FGFR1OP2: variants seen among roughly 807,000 people sequenced by gnomAD.
FGFR1OP2 encodes fibroblast growth factor receptor 1 oncogene partner 2.
FGFR1OP2 carries 17 observed loss-of-function variants against 35.2 expected under a neutral mutation model. The ratio of observed to expected loss-of-function variants is 0.48; its 90% CI spans 0.33 to 0.73. The LOEUF (loss-of-function observed/expected upper bound fraction) is 0.73. Ranked by LOEUF, FGFR1OP2 falls within the 30% of genes least tolerant of loss-of-function variation. The probability of loss-of-function intolerance (pLI) is 0.02; values close to 1 mark genes in which losing one functional copy is unlikely to be tolerated. For missense variants in FGFR1OP2, 251 were observed against 307.3 expected, an observed-to-expected ratio of 0.82 and a Z score of 1.37; for synonymous variants, 105 against 104.6, an observed-to-expected ratio of 1.00 and a Z score of -0.03.
At chr12:26,948,606 G>A (rs1164890218) in intron 1 of FGFR1OP2, among the ~76,000 whole-genome samples, 1 of 152,160 alleles carries the variant, frequency 6.6e-6, no homozygotes, top group African/African-American at 2.4e-5. Context: ...TGACTACAAC[G>A]TGTCTGGAGT....
chr12:26,953,182 T>A (rs1199012379), intron 1 of FGFR1OP2, among the ~76,000 whole-genome samples: 2 of 144,586 alleles, frequency 1.4e-5, no homozygotes, highest in African/African-American at 5.2e-5. Context: ...GAAAATGGCG[T>A]GAACCTGGGA....
rs539050765 is a variant in FGFR1OP2 at position 26,939,522 on chromosome 12, G to T, written c.-15+812G>T. ...GGCTATTTCCCCAAACATGCCATGCGCTTTGACAGCTCTGTACTTTTGTAC... is the reference window on the plus strand; with the variant it reads ...GGCTATTTCCCCAAACATGCCATGCTCTTTGACAGCTCTGTACTTTTGTAC... On this transcript the variant is annotated intron_variant, in intron 1 of 6. Coordinates refer to ENST00000229395, the MANE Select transcript of FGFR1OP2 (RefSeq NM_015633.3). Among the ~76,000 whole-genome samples the T allele has an allele frequency of 2.0e-5, 3 of 152,210 alleles. No homozygotes were observed. The South Asian group carries it at 6.2e-4, about 32-fold the overall frequency.
At position 26,954,407 on chromosome 12, in the gene FGFR1OP2, G is replaced by C. The variant is rs1260282510; in HGVS notation, c.135+114G>C. 4 of 1,260,448 alleles carry C rather than the reference G, an allele frequency of 3.2e-6. No homozygotes were observed. In the African/African-American group the frequency reaches 6.1e-5, roughly 19 times the overall value. 78.1% of individuals were successfully genotyped at this position (1,260,448 alleles called of 1,614,324 possible). A position where few individuals can be genotyped will look rare whatever the true frequency, so the allele number is the denominator to read the frequency against. ...CAACATTCTCTAAAATTTTAAAGTA[G>C]CTTGACTTGTGTGTTTCAGGTTTAC... On this transcript the variant is annotated intron_variant, in intron 2 of 6. Transcript: ENST00000229395.
At chr12:26,946,604 G>A (rs577524770) in intron 1 of FGFR1OP2, among the ~76,000 whole-genome samples, 3 of 152,274 alleles carry the variant, frequency 2.0e-5, no homozygotes, top group South Asian at 2.1e-4. Context: ...GGGCCACTGC[G>A]CCTGACCTTG....
intron 4 of FGFR1OP2, 43 bp from the exon 5 acceptor site, chr12:26,960,472 C>T (rs773655325): frequency 2.2e-6 from 3 of 1,387,544 alleles, no homozygotes; most frequent in South Asian, 2.7e-5. Context: ...TTTTAAATTA[C>T]GGATGATATC....
intron 1 of FGFR1OP2, among the ~76,000 whole-genome samples, chr12:26,951,612 G>A (rs754336419): frequency 5.3e-5 from 8 of 152,094 alleles, no homozygotes; most frequent in South Asian, 2.1e-4. Context: ...GAGCCACTGC[G>A]CCCAGCCCAA....
intron 1 of FGFR1OP2, among the ~76,000 whole-genome samples, chr12:26,943,984 G>A (rs967563821): frequency 1.3e-5 from 2 of 151,946 alleles, no homozygotes; most frequent in Non-Finnish European, 2.9e-5. Flanking sequence ...TTGTGCCCAG[G>A]AATCTCAGGG....
chr12:26,944,079 TC>T (rs1938782556), intron 1 of FGFR1OP2, among the ~76,000 whole-genome samples: 1 of 152,194 alleles, frequency 6.6e-6, no homozygotes, highest in Admixed American at 6.5e-5. Context: ...AGTTTTGGTT[TC>T]CATTTGTTTG....
chr12:26,960,721 A>G, intron 5 of FGFR1OP2, 93 bp downstream of exon 5: 1 of 1,456,258 alleles, frequency 6.9e-7, no homozygotes, highest in African/African-American at 1.4e-5. Flanking sequence ...CCCAGATTAG[A>G]TCAGCAAATA....
chr12:26,958,377 T>A (rs1045407180), intron 4 of FGFR1OP2, among the ~76,000 whole-genome samples: 1 of 152,152 alleles, frequency 6.6e-6, no homozygotes, highest in African/African-American at 2.4e-5. Context: ...AACAGAAATT[T>A]TTTTAAGAAA....
intron 1 of FGFR1OP2, among the ~76,000 whole-genome samples, chr12:26,951,764 A>C (rs1938932566): frequency 6.6e-6 from 1 of 152,208 alleles, no homozygotes; most frequent in South Asian, 2.1e-4. Flanking sequence ...CTATCTGATC[A>C]TATATAGGAC....
At chr12:26,957,488 T>C (rs1418682108) in intron 3 of FGFR1OP2, 113 bp from the exon 4 acceptor site, 1 of 863,364 alleles carries the variant, frequency 1.2e-6, no homozygotes, top group Non-Finnish European at 1.8e-6. Flanking sequence ...GCTAGATTTT[T>C]GTGCATTGTG....
chr12:26,945,666 GC>G (rs1363367444), intron 1 of FGFR1OP2, among the ~76,000 whole-genome samples: 6 of 152,144 alleles, frequency 3.9e-5, no homozygotes, highest in Admixed American at 2.0e-4. Context: ...TTCAGGACCA[GC>G]CTGGCCAACG....
intron 6 of FGFR1OP2, among the ~76,000 whole-genome samples, chr12:26,964,265 C>T (rs777867413): frequency 2.0e-5 from 3 of 152,050 alleles, no homozygotes; most frequent in South Asian, 2.1e-4. Context: ...ACTGGCTTTA[C>T]GAGTTTATAT....
intron 4 of FGFR1OP2, among the ~76,000 whole-genome samples, chr12:26,958,375 T>A (rs1939054953): frequency 6.6e-6 from 1 of 152,264 alleles, no homozygotes; most frequent in Admixed American, 6.5e-5. Context: ...AAAACAGAAA[T>A]TTTTTTAAGA....
At position 26,939,460 on chromosome 12, in the gene FGFR1OP2, A is replaced by G. The variant is rs1383357515; in HGVS notation, c.-15+750A>G. Among the ~76,000 whole-genome samples, 3 of 152,138 alleles carry G rather than the reference A, an allele frequency of 2.0e-5. No homozygotes were observed. In the East Asian group the frequency reaches 5.8e-4, roughly 29 times the overall value. Reference sequence around the variant, plus strand: ...TCTGCCCCAATCCATTTTACCTTTTAGTCCTGCTTTAATATCCTACCATAC... The same window carrying G: ...TCTGCCCCAATCCATTTTACCTTTTGGTCCTGCTTTAATATCCTACCATAC... On this transcript the variant is annotated intron_variant, in intron 1 of 6. Transcript: ENST00000229395.
At chr12:26,944,272 CT>C (rs1938786901) in intron 1 of FGFR1OP2, among the ~76,000 whole-genome samples, 1 of 152,154 alleles carries the variant, frequency 6.6e-6, no homozygotes, top group Non-Finnish European at 1.5e-5. Context: ...TTTTTCCCCC[CT>C]TCCTAGCCTT....
intron 1 of FGFR1OP2, among the ~76,000 whole-genome samples, chr12:26,952,452 TACAAG>T (rs1938947925): frequency 6.6e-6 from 1 of 152,162 alleles, no homozygotes; most frequent in South Asian, 2.1e-4. Flanking sequence ...TCCTGAATCT[TACAAG>T]ACAAATCTTG....
intron 1 of FGFR1OP2, among the ~76,000 whole-genome samples, chr12:26,944,479 T>G (rs1287181563): frequency 6.6e-6 from 1 of 152,246 alleles, no homozygotes; most frequent in East Asian, 1.9e-4. Context: ...TGCGGAATTT[T>G]TTAATAATAT....
Sources: gnomAD v4.1 joint callset for allele counts (sites outside exome capture counted in the v4.1 genomes callset) on GRCh38, gnomAD v4.1.1 for gene constraint, MANE v1.5 for transcripts, NCBI Gene and HGNC (gene_info 2026-07-23, HGNC 2026-07-21) for gene names.